The following GRIP1 variants were observed in gnomAD, a reference collection of about 807,000 sequenced individuals.
GRIP1 encodes glutamate receptor-interacting protein 1.
Under a neutral mutation model 129.9 loss-of-function variants are expected in GRIP1, and 45 were observed. That is an observed-to-expected ratio of 0.35 (90% confidence interval 0.27 to 0.44). The LOEUF (loss-of-function observed/expected upper bound fraction) is 0.44, where lower values mean the gene tolerates loss of function less well. Ranked by LOEUF, GRIP1 falls within the 20% of genes least tolerant of loss-of-function variation. The pLI, the probability that GRIP1 is intolerant of heterozygous loss-of-function variation, is 1.00. For synonymous variants in GRIP1, 530 were observed against 520.8 expected (o/e 1.02, Z -0.24); for missense variants, 1,196 against 1,396.8 (o/e 0.86, Z 2.29).
chr12:67,055,590 G>A (rs1032796169), intron 1 of GRIP1, among the ~76,000 whole-genome samples: 5 of 152,130 alleles, frequency 3.3e-5, no homozygotes, highest in Non-Finnish European at 7.4e-5. Context: ...AAAAGTTTTT[G>A]GTCATGCCTC....
upstream of GRIP1, chr12:66,679,079 C>A: frequency 1.3e-6 from 2 of 1,506,472 alleles, no homozygotes; most frequent in Non-Finnish European, 1.8e-6. Context: ...TGTCATCTGG[C>A]AAATCTGTGT....
intron 1 of GRIP1, among the ~76,000 whole-genome samples, chr12:66,957,244 T>C (rs2041856226): frequency 6.6e-6 from 1 of 152,092 alleles, no homozygotes; most frequent in Admixed American, 6.6e-5. Context: ...TGGCCATCTA[T>C]AAGCCAAGGA....
At position 66,938,331 on chromosome 12, in the gene GRIP1, T is replaced by C. The variant is rs142506086; in HGVS notation, c.58+130719A>G. 3.0e-3 allele frequency among the ~76,000 whole-genome samples: 464 copies of C among 152,234 alleles called. 1 individual carries two copies. The highest frequency in any genetic ancestry group is 0.01 in the African/African-American group (430 of 41,566). ...GTGAGGTCACAGTGAGACGAGATCA[T>C]GCCACGGCATTCCAGCCTGGTGACA... On this transcript the variant is annotated intron_variant, in intron 1 of 1. Coordinates refer to the GRIP1 transcript ENST00000643019.
In GRIP1 at chr12:66,713,467, G is replaced by C. The variant is rs7137232; in HGVS notation, c.-419-83131C>G. The stretch of plus-strand genomic sequence containing the variant: ...AGTCCCCAGGGTGCTTGTCAAAAAT[G>C]CAGCTTCTTGGGGTCCCCCTCAGAA... On this transcript the variant is annotated intron_variant, in intron 1 of 4. Coordinates refer to the GRIP1 transcript ENST00000538373. Among the ~76,000 whole-genome samples, 1,410 of 152,110 alleles carry C rather than the reference G, an allele frequency of 9.3e-3. 20 individuals are homozygous for C. Among genetic ancestry groups the C allele is most frequent in the African/African-American group, 0.031 (1,308 of 41,524 alleles).
intron 1 of GRIP1, among the ~76,000 whole-genome samples, chr12:66,875,905 C>T (rs550829093): frequency 2.6e-5 from 4 of 152,072 alleles, no homozygotes; most frequent in South Asian, 4.2e-4. Flanking sequence ...GGGAATACAG[C>T]CTCTGCAAAA....
chr12:66,506,008 CT>C (rs2060516730), intron 7 of GRIP1, among the ~76,000 whole-genome samples: 2 of 152,142 alleles, frequency 1.3e-5, no homozygotes, highest in South Asian at 4.2e-4. Flanking sequence ...TTATTATATT[CT>C]TTTCAGAATG....
intron 1 of GRIP1, among the ~76,000 whole-genome samples, chr12:66,879,201 G>A (rs866382590): frequency 4.6e-5 from 7 of 151,764 alleles, no homozygotes; most frequent in African/African-American, 1.7e-4. Context: ...CTTAAACTGG[G>A]GCTGCACTCA....
intron 1 of GRIP1, among the ~76,000 whole-genome samples, chr12:66,937,068 G>T (rs901867733): frequency 1.3e-5 from 2 of 151,870 alleles, no homozygotes; most frequent in Non-Finnish European, 2.9e-5. Context: ...TTCTCTGTTG[G>T]CTTCTCATAT....
chr12:67,012,070 C>T (rs2042716781), intron 1 of GRIP1, among the ~76,000 whole-genome samples: 1 of 152,104 alleles, frequency 6.6e-6, no homozygotes, highest in African/African-American at 2.4e-5. Context: ...TAGAAAAGTG[C>T]CTGGCACATA....
chr12:66,884,347 T>C (rs990774954), intron 1 of GRIP1, among the ~76,000 whole-genome samples: 16 of 152,182 alleles, frequency 1.1e-4, no homozygotes, highest in African/African-American at 3.1e-4. Flanking sequence ...CTAATAATTA[T>C]GTAAAGCGTA....
chr12:66,824,360 T>G (rs147506394), intron 1 of GRIP1, among the ~76,000 whole-genome samples: 52 of 152,310 alleles, frequency 3.4e-4, no homozygotes, highest in African/African-American at 1.2e-3. Flanking sequence ...GTCATGCGTC[T>G]ACACTAGGAC....
rs367635870 is a variant in GRIP1, at chr12:66,517,946, C to T, written c.533G>A (p.Arg178His). The T allele has an allele frequency of 1.8e-5, 29 of 1,598,388 alleles. No individual in the cohort carries two copies. The highest frequency in any genetic ancestry group is 9.9e-5 in the South Asian group (9 of 90,756). ...ACGAACACATGTTATCACAACTGGA[C>T]GAGATTTATTTCTATCATCATGTGC... The part of the protein sequence containing the change: ...GGAHDDRNKS[R>H]PVVITCVRPG... Residue 178 changes from arginine to histidine, a missense_variant, in exon 6 of 25, where the codon CGT becomes CAT. Transcript: ENST00000359742.
intron 15 of GRIP1, among the ~76,000 whole-genome samples, chr12:66,408,104 G>A (rs2057261559): frequency 6.6e-6 from 1 of 152,200 alleles, no homozygotes; most frequent in Non-Finnish European, 1.5e-5. Flanking sequence ...GGGCTGCAAG[G>A]GAACCTGCTG....
chr12:66,918,833 T>A (rs1048775567), intron 1 of GRIP1, among the ~76,000 whole-genome samples: 7 of 152,170 alleles, frequency 4.6e-5, no homozygotes, highest in African/African-American at 1.7e-4. Context: ...ATATCATTAA[T>A]TCTACAACAT....
intron 2 of GRIP1, among the ~76,000 whole-genome samples, chr12:66,565,927 G>T (rs1021601094): frequency 2.0e-5 from 3 of 152,134 alleles, no homozygotes; most frequent in African/African-American, 7.2e-5. Context: ...CTGTTTGTCT[G>T]TTACTGGTGT....
chr12:66,949,806 C>T (rs1362150516), intron 1 of GRIP1, among the ~76,000 whole-genome samples: 3 of 127,708 alleles, frequency 2.3e-5, no homozygotes, highest in Non-Finnish European at 3.1e-5. Flanking sequence ...CTCGCTCAGT[C>T]GCCCAGGCTG....
intron 1 of GRIP1, among the ~76,000 whole-genome samples, chr12:67,003,693 C>T (rs1303008521): frequency 6.8e-6 from 1 of 146,604 alleles, no homozygotes; most frequent in African/African-American, 2.5e-5. Context: ...ATTCCATCTC[C>T]AAATATAAAT....
intron 5 of GRIP1, among the ~76,000 whole-genome samples, chr12:66,527,550 G>C (rs531691729): frequency 6.6e-6 from 1 of 152,152 alleles, no homozygotes; most frequent in Non-Finnish European, 1.5e-5. Flanking sequence ...GGGAGGGATA[G>C]CATTAGGAGA....
chr12:66,706,749 A>T (rs1217719865), intron 1 of GRIP1, among the ~76,000 whole-genome samples: 1 of 152,114 alleles, frequency 6.6e-6, no homozygotes, highest in Non-Finnish European at 1.5e-5. Flanking sequence ...CATCATCCTC[A>T]GCAAACTAAC....
Sources: gnomAD v4.1 joint callset for allele counts (sites outside exome capture counted in the v4.1 genomes callset) on GRCh38, gnomAD v4.1.1 for gene constraint, MANE v1.5 for transcripts, NCBI Gene and HGNC (gene_info 2026-07-23, HGNC 2026-07-21) for gene names.